Variants in LRP1B observed in about 807,000 individuals in gnomAD.
LRP1B encodes low-density lipoprotein receptor-related protein 1B.
LRP1B carries 217 observed loss-of-function variants against 556.6 expected under a neutral mutation model. That is an observed-to-expected ratio of 0.39 (90% CI 0.35 to 0.44). LRP1B has a LOEUF of 0.44. Ranked by LOEUF, LRP1B falls within the 20% of genes least tolerant of loss-of-function variation. The pLI is 1.00. For synonymous variants in LRP1B, 2,047 were observed against 1,865.8 expected, an observed-to-expected ratio of 1.10 and a Z score of -2.50; for missense variants, 5,053 against 5,620.8, an observed-to-expected ratio of 0.90 and a Z score of 3.23.
chr2:140,850,231 C>T lies in LRP1B; in HGVS notation c.4810G>A (p.Asp1604Asn), dbSNP rs2105117944. ...FNFITAFTVP[D>N]IDDVTVIDFD... is the part of the protein sequence containing the mutation. ...TCTATCACAGTAACGTCATCAATAT[C>T]AGGGACTGTAAATGCCGTGATGAAG... is the stretch of plus-strand genomic sequence containing the variant. Residue 1604 changes from aspartate (D) to asparagine (N), a missense_variant, in exon 29 of 91, where the codon GAT (aspartate) becomes AAT (asparagine). This residue lies in a region of LRP1B where 3,619 missense variants were observed against 3,931.9 expected (regional missense o/e 0.92). Transcript: ENST00000389484. 1 of 1,613,040 alleles carries T rather than the reference C, an allele frequency of 6.2e-7. No individual in the cohort carries two copies. Among genetic ancestry groups the T allele is most frequent in the Non-Finnish European group, 8.5e-7 (1 of 1,179,110 alleles).
chr2:140,625,252 A>T (rs890982398), intron 41 of LRP1B, among the ~76,000 whole-genome samples: 1 of 152,230 alleles, frequency 6.6e-6, no homozygotes, highest in Non-Finnish European at 1.5e-5. Flanking sequence ...TTAGTGATAA[A>T]TGATCATAAA....
At chr2:140,630,511 AG>A (rs1362029834) in intron 41 of LRP1B, among the ~76,000 whole-genome samples, 8 of 152,216 alleles carry the variant, frequency 5.3e-5, no homozygotes, top group African/African-American at 1.9e-4. Context: ...ACAAATGGGA[AG>A]GAGCATTTGA....
intron 2 of LRP1B, among the ~76,000 whole-genome samples, chr2:141,714,462 C>T (rs1259063067): frequency 2.9e-4 from 37 of 128,952 alleles, no homozygotes; most frequent in Non-Finnish European, 2.5e-4. Context: ...TTTTTTTTTT[C>T]CTATATTTTA....
chr2:140,544,020 TAA>T (rs1558957046), intron 43 of LRP1B, among the ~76,000 whole-genome samples: 1 of 151,962 alleles, frequency 6.6e-6, no homozygotes, highest in Non-Finnish European at 1.5e-5. Flanking sequence ...AAATCCTAAA[TAA>T]AGAGACGTAT....
chr2:140,503,468 A>G (rs1184350872), intron 53 of LRP1B, among the ~76,000 whole-genome samples: 1 of 152,110 alleles, frequency 6.6e-6, no homozygotes, highest in East Asian at 1.9e-4. Context: ...GTACCAGAAC[A>G]TATGGATAAA....
intron 3 of LRP1B, among the ~76,000 whole-genome samples, chr2:141,382,928 G>T (rs939672278): frequency 2.0e-5 from 3 of 151,978 alleles, no homozygotes; most frequent in South Asian, 2.1e-4. Context: ...TCAACAGAGT[G>T]AAAAGGCAAC....
chr2:141,236,386 T>C (rs920989610), intron 5 of LRP1B, among the ~76,000 whole-genome samples: 1 of 152,098 alleles, frequency 6.6e-6, no homozygotes, highest in Non-Finnish European at 1.5e-5. Flanking sequence ...ATCTCACTCA[T>C]GTAGAATCTA....
At chr2:141,841,326 A>G (rs1397734441) in intron 1 of LRP1B, among the ~76,000 whole-genome samples, 22 of 152,222 alleles carry the variant, frequency 1.4e-4, no homozygotes. Context: ...TTTTAAAAAC[A>G]TAACTTTCTA....
At chr2:140,942,241 A>C (rs961866553) in intron 20 of LRP1B, among the ~76,000 whole-genome samples, 1 of 152,184 alleles carries the variant, frequency 6.6e-6, no homozygotes, top group Non-Finnish European at 1.5e-5. Context: ...CGCAAAAATA[A>C]AGAAAAATAA....
chr2:141,192,695 G>C (rs1681571062), intron 6 of LRP1B, among the ~76,000 whole-genome samples: 1 of 151,432 alleles, frequency 6.6e-6, no homozygotes, highest in Non-Finnish European at 1.5e-5. Flanking sequence ...TCAAAAGTTA[G>C]TGAGAAATTT....
At chr2:140,720,404 T>C (rs1486302161) in intron 35 of LRP1B, among the ~76,000 whole-genome samples, 3 of 151,978 alleles carry the variant, frequency 2.0e-5, no homozygotes, top group African/African-American at 7.2e-5. Flanking sequence ...ATATGAGTCT[T>C]TGAAGCCATT....
intron 32 of LRP1B, among the ~76,000 whole-genome samples, chr2:140,793,983 T>C (rs1036330461): frequency 6.6e-6 from 1 of 152,268 alleles, no homozygotes; most frequent in Non-Finnish European, 1.5e-5. Context: ...TGAAAGAACG[T>C]TATGTTATCA....
At chr2:141,367,359 G>A (rs11890948) in intron 3 of LRP1B, among the ~76,000 whole-genome samples, 9,574 of 149,644 alleles carry the variant, frequency 0.064, 427 homozygotes, top group African/African-American at 0.12. Flanking sequence ...GACACAGAAA[G>A]TTCCCATAAT....
intron 2 of LRP1B, among the ~76,000 whole-genome samples, chr2:141,629,950 G>A (rs905396468): frequency 2.0e-5 from 3 of 152,020 alleles, no homozygotes; most frequent in African/African-American, 7.2e-5. Flanking sequence ...GAGAAGAGCA[G>A]TCCCACCCCA....
intron 1 of LRP1B, among the ~76,000 whole-genome samples, chr2:141,990,345 A>G (rs1329100427): frequency 6.6e-6 from 1 of 152,088 alleles, no homozygotes; most frequent in Non-Finnish European, 1.5e-5. Context: ...ATTTAAAAAT[A>G]TTAATCATTT....
intron 2 of LRP1B, among the ~76,000 whole-genome samples, chr2:141,546,645 A>T (rs1460017685): frequency 2.0e-5 from 3 of 152,210 alleles, no homozygotes; most frequent in Non-Finnish European, 2.9e-5. Context: ...ATCAATAATG[A>T]ATGAGGAAGG....
intron 41 of LRP1B, among the ~76,000 whole-genome samples, chr2:140,637,090 G>T (rs931324436): frequency 6.6e-6 from 1 of 152,156 alleles, no homozygotes; most frequent in African/African-American, 2.4e-5. Flanking sequence ...CAACTACAAA[G>T]TTGCAGAATT....
At position 141,762,092 on chromosome 2, in the gene LRP1B, T is replaced by C. The variant is rs548495291; in HGVS notation, c.205+48187A>G. 1.2e-4 allele frequency among the ~76,000 whole-genome samples: 19 copies of C among 152,278 alleles called. 1 individual carries two copies. In the South Asian group the frequency reaches 3.9e-3, roughly 32 times the overall value. Reference sequence around the variant, plus strand: ...TGGTTATTGTCTTTTTTTTTTCTTTTATATTTAGTTAAAAATAATTTGGTT... The same window carrying C: ...TGGTTATTGTCTTTTTTTTTTCTTTCATATTTAGTTAAAAATAATTTGGTT... On this transcript the variant is annotated intron_variant, in intron 2 of 90. Transcript: ENST00000389484.
In LRP1B at chr2:140,501,727, C is replaced by T. The variant is rs2104890826; in HGVS notation, c.8810G>A (p.Gly2937Glu). The change falls in exon 55 of 91, where the codon GGA becomes GAA. Residue 2937 changes from glycine (G) to glutamate (E), a missense_variant. Around this residue, in one of 5 missense-constraint regions of LRP1B, gnomAD observed 3,619 missense variants for 3,931.9 expected, o/e 0.92. Coordinates refer to ENST00000389484, the MANE Select transcript of LRP1B (RefSeq NM_018557.3). Reference protein sequence around the residue: ...INECLSKKVSGCSQDCQDLPV... With the variant: ...INECLSKKVSECSQDCQDLPV... ...AAGGTCTTGACAGTCTTGAGAACAT[C>T]CACTGACTTTCTTACTCAAACATTC... 6.2e-7 allele frequency: 1 copy of T among 1,612,424 alleles called. No individual in the cohort carries two copies. Among genetic ancestry groups the T allele is most frequent in the Non-Finnish European group, 8.5e-7 (1 of 1,179,010 alleles).
Sources: allele counts gnomAD v4.1 joint callset (sites outside exome capture counted in the v4.1 genomes callset), GRCh38; gene constraint gnomAD v4.1.1; regional missense constraint gnomAD v4.1.1; transcripts MANE v1.5; gene names NCBI Gene and HGNC (gene_info 2026-07-23, HGNC 2026-07-21).